The following TSPEAR variants were observed in gnomAD, a reference collection of about 807,000 sequenced individuals.
TSPEAR encodes thrombospondin-type laminin G domain and EAR repeat-containing protein.
Under a neutral mutation model 71.6 loss-of-function variants are expected in TSPEAR, and 69 were observed. That is an observed-to-expected ratio of 0.96 (90% CI 0.79 to 1.18). TSPEAR has a LOEUF of 1.18. Ranked by LOEUF, TSPEAR falls within the 50% of genes most tolerant of loss-of-function variation. The pLI is 0.00. For missense variants in TSPEAR, 971 were observed against 894.9 expected (o/e 1.09, Z -1.09); for synonymous variants, 402 against 387.2 (o/e 1.04, Z -0.45).
chr21:44,517,783 C>G, intron 9 of TSPEAR: 1 of 471,222 alleles, frequency 2.1e-6, no homozygotes, highest in Non-Finnish European at 4.4e-6. Context: ...TCCTGATATC[C>G]AGGGCTGCCG....
At chr21:44,646,452 C>T in intron 1 of TSPEAR, 1 of 1,600,930 alleles carries the variant, frequency 6.2e-7, no homozygotes, top group South Asian at 1.1e-5. Flanking sequence ...CTCCTCCCCA[C>T]CCCAGCATGG....
intron 1 of TSPEAR, among the ~76,000 whole-genome samples, chr21:44,639,233 C>T (rs988893036): frequency 2.6e-5 from 4 of 152,246 alleles, no homozygotes; most frequent in Non-Finnish European, 4.4e-5. Flanking sequence ...CCAAATAGCC[C>T]TCAGCTCTGC....
intron 1 of TSPEAR, among the ~76,000 whole-genome samples, chr21:44,661,732 C>T (rs1985506181): frequency 6.6e-6 from 1 of 152,144 alleles, no homozygotes. Context: ...GGGGAGCAGG[C>T]ACATCACGTG....
intron 1 of TSPEAR, among the ~76,000 whole-genome samples, chr21:44,706,398 C>A (rs915459864): frequency 1.3e-5 from 2 of 151,162 alleles, no homozygotes; most frequent in Non-Finnish European, 3.0e-5. Context: ...TGCACCCATG[C>A]GCACGCACCC....
chr21:44,676,686 T>C, intron 1 of TSPEAR: 1 of 771,420 alleles, frequency 1.3e-6, no homozygotes, highest in Non-Finnish European at 2.4e-6. Flanking sequence ...CAGCTGCCTG[T>C]CAGTGAAGCT....
intron 1 of TSPEAR, among the ~76,000 whole-genome samples, chr21:44,619,476 A>G (rs1232902848): frequency 6.6e-6 from 1 of 152,264 alleles, no homozygotes; most frequent in Admixed American, 6.5e-5. Flanking sequence ...TAAGCTACTC[A>G]TGAGGAGGAA....
At chr21:44,532,936 G>A (rs1382911891) in intron 3 of TSPEAR, among the ~76,000 whole-genome samples, 2 of 152,360 alleles carry the variant, frequency 1.3e-5, no homozygotes, top group East Asian at 1.9e-4. Flanking sequence ...GTGGAGTCAC[G>A]GAGCCAGGCC....
Position 44,551,387 on chromosome 21 carries a change from C to G in TSPEAR, c.303+16398G>C, listed in dbSNP as rs782142978. 5 of 1,613,322 alleles carry G rather than the reference C, an allele frequency of 3.1e-6. No homozygotes were observed. In the East Asian group the frequency reaches 8.9e-5, roughly 29 times the overall value. ...TGCCGCAGGGGAGCTCACAGCAGCTCTCTGGGCAGTCGTCCACCTGCCAGG... is the reference window on the plus strand; with the variant it reads ...TGCCGCAGGGGAGCTCACAGCAGCTGTCTGGGCAGTCGTCCACCTGCCAGG... On this transcript the variant is annotated intron_variant, in intron 2 of 11. Transcript: ENST00000323084.
chr21:44,627,256 C>G lies in TSPEAR; in HGVS notation c.83-59251G>C, dbSNP rs200057010. ...CGACTGCCCAGAGAGCTGCTGTGAG[C>G]CCCCCTGCTGCGCCACCAGCTGCTG... On this transcript the variant is annotated intron_variant, in intron 1 of 11. Transcript: ENST00000323084. 3 of 1,612,632 alleles carry G rather than the reference C, an allele frequency of 1.9e-6. No homozygotes were observed. The highest frequency in any genetic ancestry group is 3.3e-5 in the Admixed American group (2 of 60,004).
chr21:44,615,547 A>AG (rs1375901592), intron 1 of TSPEAR, among the ~76,000 whole-genome samples: 5 of 64,468 alleles, frequency 7.8e-5, no homozygotes, highest in African/African-American at 1.8e-4. Context: ...CCATAACCAA[A>AG]GGTTTTTTTT....
At chr21:44,562,346 G>T (rs1371908728) in intron 2 of TSPEAR, among the ~76,000 whole-genome samples, 1 of 152,086 alleles carries the variant, frequency 6.6e-6, no homozygotes, top group Non-Finnish European at 1.5e-5. Context: ...ACAAACAAAT[G>T]GAAAAACATT....
In TSPEAR at chr21:44,697,241, G is replaced by A. The variant is rs782556336; in HGVS notation, c.82+14192C>T. On this transcript the variant is annotated intron_variant, in intron 1 of 11. Transcript: ENST00000323084. Reference sequence around the variant, plus strand: ...CAGCGACCTGAGCTATGGCAGCCGCGTCTGCCTTCCTGGTTCCTGTGACTC... The same window carrying A: ...CAGCGACCTGAGCTATGGCAGCCGCATCTGCCTTCCTGGTTCCTGTGACTC... The A allele has an allele frequency of 1.4e-4, 232 of 1,614,020 alleles. 2 individuals are homozygous for A. In the East Asian group the frequency reaches 4.9e-3, roughly 34 times the overall value.
chr21:44,651,158 G>A (rs1984765041), intron 1 of TSPEAR, among the ~76,000 whole-genome samples: 1 of 152,166 alleles, frequency 6.6e-6, no homozygotes, highest in Non-Finnish European at 1.5e-5. Flanking sequence ...CAGGCCACGA[G>A]CGGGAGAGTG....
intron 1 of TSPEAR, chr21:44,697,504 G>C: frequency 6.2e-7 from 1 of 1,612,586 alleles, no homozygotes; most frequent in South Asian, 1.1e-5. Context: ...CCCCCTGCCA[G>C]CAGGCCTGCT....
rs1300871774 is a variant in TSPEAR, at chr21:44,506,537, C to T, written c.1755-1656G>A. The stretch of plus-strand genomic sequence containing the variant: ...GATCACAGAGGTGTCCAGTGACAGG[C>T]AGGGCGGGCAGAGCCCATGGGGCCT... On this transcript the variant is annotated intron_variant, in intron 10 of 11. Transcript: ENST00000323084. This position sits in a 1 kb window ranked among gnomAD's most constrained non-coding sequence, Gnocchi z 4.2. Among the ~76,000 whole-genome samples the T allele has an allele frequency of 6.6e-6, 1 of 152,226 alleles. No individual in the cohort carries two copies. Among genetic ancestry groups the T allele is most frequent in the Non-Finnish European group, 1.5e-5 (1 of 68,036 alleles).
intron 1 of TSPEAR, among the ~76,000 whole-genome samples, chr21:44,639,594 G>T (rs1983904225): frequency 6.6e-6 from 1 of 152,288 alleles, no homozygotes; most frequent in Non-Finnish European, 1.5e-5. Flanking sequence ...TCCAGGGACA[G>T]AGATGTTTGT....
At chr21:44,614,576 A>C (rs1442673356) in intron 1 of TSPEAR, among the ~76,000 whole-genome samples, 4 of 152,206 alleles carry the variant, frequency 2.6e-5, no homozygotes, top group African/African-American at 7.2e-5. Context: ...CGGGCTCCGG[A>C]ACGTTCCTAC....
rs1487844259 is a variant in TSPEAR at position 44,503,879 on chromosome 21, C to G, written c.1856+901G>C. ...TTGGGGGGAAGCCGGCCTTGGTGAG[C>G]CCACAGGGGGGAAGCAATGTGCTGG... On this transcript the variant is annotated intron_variant, in intron 11 of 11. Transcript: ENST00000323084. Among the ~76,000 whole-genome samples, 14 of 133,104 alleles carry G rather than the reference C, an allele frequency of 1.1e-4. 1 individual carries two copies. Among genetic ancestry groups the G allele is most frequent in the African/African-American group, 4.2e-4 (14 of 33,182 alleles). 87.3% of individuals were successfully genotyped at this position (133,104 alleles called of 152,430 possible).
chr21:44,625,294 C>G (rs1982693888), intron 1 of TSPEAR, among the ~76,000 whole-genome samples: 1 of 152,164 alleles, frequency 6.6e-6, no homozygotes, highest in African/African-American at 2.4e-5. Flanking sequence ...AGACTTGGCA[C>G]AGAAATACTG....
Sources: allele counts gnomAD v4.1 joint callset (sites outside exome capture counted in the v4.1 genomes callset), GRCh38; gene constraint gnomAD v4.1.1; non-coding constraint Gnocchi (gnomAD v3.1); transcripts MANE v1.5; gene names NCBI Gene and HGNC (gene_info 2026-07-23, HGNC 2026-07-21).